The following AVEN variants were observed in gnomAD, a reference collection of about 807,000 sequenced individuals.
AVEN encodes the protein apoptosis and caspase activation inhibitor, also known as cell death regulator Aven.
A neutral mutation model predicts 38.1 loss-of-function variants in AVEN; 41 were observed. That is an observed-to-expected ratio of 1.08 (90% CI 0.84 to 1.40). The LOEUF (loss-of-function observed/expected upper bound fraction) is 1.40. Among genes scored for constraint, AVEN ranks in the 40% most tolerant of loss-of-function variants. The pLI is 0.00. For missense variants in AVEN, 605 were observed against 438.8 expected (o/e 1.38, Z -3.38); for synonymous variants, 206 against 171.8 (o/e 1.20, Z -1.56).
intron 2 of AVEN, among the ~76,000 whole-genome samples, chr15:33,910,371 T>C (rs778184773): frequency 2.6e-4 from 40 of 152,164 alleles, no homozygotes; most frequent in Non-Finnish European, 4.7e-4. Context: ...GAAACAAAAA[T>C]AATACAAAGC....
chr15:33,864,931 G>T (rs368249831), downstream of AVEN: 1 of 511,576 alleles, frequency 2.0e-6, no homozygotes, highest in Non-Finnish European at 3.5e-6. Context: ...CTCCTTCCCT[G>T]CCAGCATGTG....
chr15:34,020,434 A>G (rs1898154508), intron 1 of AVEN, among the ~76,000 whole-genome samples: 2 of 152,260 alleles, frequency 1.3e-5, no homozygotes, highest in South Asian at 4.1e-4. Context: ...CAAATTAGAA[A>G]TTTGGTTGAA....
At chr15:33,951,324 A>C (rs1393113910) in intron 2 of AVEN, among the ~76,000 whole-genome samples, 1 of 152,180 alleles carries the variant, frequency 6.6e-6, no homozygotes, top group Non-Finnish European at 1.5e-5. Context: ...TGACCATGTC[A>C]ATTTAATACT....
At chr15:33,970,596 A>G (rs1250477278) in intron 2 of AVEN, among the ~76,000 whole-genome samples, 1 of 151,940 alleles carries the variant, frequency 6.6e-6, no homozygotes, top group African/African-American at 2.4e-5. Flanking sequence ...ACAGTTTGTA[A>G]ACAGACATGA....
chr15:33,877,324 T>C (rs76680204), intron 2 of AVEN, among the ~76,000 whole-genome samples: 4,948 of 152,186 alleles, frequency 0.033, 159 homozygotes, highest in Non-Finnish European at 0.039. Context: ...GAGCAACCAA[T>C]GCGATTAGAA....
intron 1 of AVEN, among the ~76,000 whole-genome samples, chr15:34,019,964 TACA>T (rs1255966377): frequency 2.6e-5 from 4 of 152,232 alleles, no homozygotes; most frequent in African/African-American, 4.8e-5. Context: ...TTTTAATGCA[TACA>T]ACAAGTTCAA....
At chr15:34,044,657 A>G (rs1250560984) in intron 5 of AVEN, among the ~76,000 whole-genome samples, 1 of 152,144 alleles carries the variant, frequency 6.6e-6, no homozygotes, top group Admixed American at 6.6e-5. Context: ...CACCTAGCCA[A>G]CCCCATAGCC....
chr15:34,073,664 G>A (rs1269999801), intron 1 of AVEN, among the ~76,000 whole-genome samples: 2 of 151,740 alleles, frequency 1.3e-5, no homozygotes, highest in South Asian at 4.2e-4. Flanking sequence ...GGGATAACAG[G>A]TGCACACCAC....
chr15:34,036,999 C>T (rs143786667), intron 1 of AVEN, among the ~76,000 whole-genome samples: 3,209 of 152,016 alleles, frequency 0.021, 51 homozygotes, highest in Non-Finnish European at 0.029. Context: ...ATCCCAGCTA[C>T]TTGGGAGGCT....
At chr15:34,071,288 C>A (rs499142) in intron 1 of AVEN, among the ~76,000 whole-genome samples, 150,620 of 152,220 alleles carry the variant, frequency 0.99, 74,541 homozygotes, top group Middle Eastern at 1. Context: ...GCTTATTTTT[C>A]ATTTTAATTT....
At chr15:33,875,828 C>G in intron 3 of AVEN, 97 bp downstream of exon 3, 4 of 1,216,610 alleles carry the variant, frequency 3.3e-6, no homozygotes, top group Non-Finnish European at 4.7e-6. Context: ...AATTACTACT[C>G]TTTTCTACAT....
intron 3 of AVEN, among the ~76,000 whole-genome samples, chr15:33,873,494 A>G (rs1207150782): frequency 6.8e-6 from 1 of 147,292 alleles, no homozygotes; most frequent in Non-Finnish European, 1.5e-5. Context: ...CATATATATA[A>G]TATATAATAT....
At chr15:34,059,184 A>C (rs774577297) in intron 5 of AVEN, among the ~76,000 whole-genome samples, 1 of 152,232 alleles carries the variant, frequency 6.6e-6, no homozygotes, top group Non-Finnish European at 1.5e-5. Flanking sequence ...GGCGTGAGCC[A>C]CCACACCTGG....
At chr15:33,909,091 T>C (rs145312472) in intron 2 of AVEN, among the ~76,000 whole-genome samples, 2 of 152,206 alleles carry the variant, frequency 1.3e-5, no homozygotes, top group Non-Finnish European at 2.9e-5. Context: ...CAAGTACAAG[T>C]TGGTTTTTGT....
chr15:33,913,909 A>G (rs1893016348), intron 2 of AVEN, among the ~76,000 whole-genome samples: 1 of 152,224 alleles, frequency 6.6e-6, no homozygotes, highest in African/African-American at 2.4e-5. Flanking sequence ...AATCCATGAA[A>G]AGGGCTGAAA....
intron 2 of AVEN, among the ~76,000 whole-genome samples, chr15:33,899,073 G>T (rs543856116): frequency 6.6e-6 from 1 of 152,132 alleles, no homozygotes; most frequent in Non-Finnish European, 1.5e-5. Context: ...GGAAAGGTAG[G>T]TGGGGACCAG....
chr15:33,874,153 T>C (rs979279694), intron 3 of AVEN, among the ~76,000 whole-genome samples: 3 of 152,322 alleles, frequency 2.0e-5, no homozygotes, highest in African/African-American at 7.2e-5. Flanking sequence ...ATTTTGAGTG[T>C]TTCATATGCA....
chr15:33,971,701 G>T (rs1256295406), intron 2 of AVEN, among the ~76,000 whole-genome samples: 12 of 151,890 alleles, frequency 7.9e-5, no homozygotes, highest in Admixed American at 7.9e-4. Context: ...ATAACTTTAA[G>T]TTTTCATAAG....
intron 2 of AVEN, among the ~76,000 whole-genome samples, chr15:33,890,372 G>A (rs551545375): frequency 6.6e-6 from 1 of 152,294 alleles, no homozygotes; most frequent in African/African-American, 2.4e-5. Context: ...GTGCATTTAG[G>A]AAGGAGGGAA....
Sources: gnomAD v4.1 joint callset for allele counts (sites outside exome capture counted in the v4.1 genomes callset) on GRCh38, gnomAD v4.1.1 for gene constraint, MANE v1.5 for transcripts, NCBI Gene and HGNC (gene_info 2026-07-23, HGNC 2026-07-21) for gene names.